The following FRMD4A variants were observed in gnomAD, a reference collection of about 807,000 sequenced individuals.
FRMD4A encodes the protein FERM domain containing 4A.
Under a neutral mutation model 129.1 loss-of-function variants are expected in FRMD4A, and 29 were observed. The ratio of observed to expected loss-of-function variants is 0.22; its 90% CI spans 0.17 to 0.31. FRMD4A has a LOEUF of 0.31. Ranked by LOEUF, FRMD4A falls within the 10% of genes least tolerant of loss-of-function variation. The pLI is 1.00. For synonymous variants in FRMD4A, 634 were observed against 571.6 expected (o/e 1.11, Z -1.56); for missense variants, 1,272 against 1,375.8 (o/e 0.92, Z 1.19).
At chr10:13,938,135 A>G (rs1245482840) in intron 2 of FRMD4A, among the ~76,000 whole-genome samples, 1 of 152,230 alleles carries the variant, frequency 6.6e-6, no homozygotes, top group East Asian at 1.9e-4. Context: ...CCTTCAAATA[A>G]TAGAATAGCA....
intron 2 of FRMD4A, among the ~76,000 whole-genome samples, chr10:14,281,497 T>C (rs1277827562): frequency 6.6e-6 from 1 of 152,204 alleles, no homozygotes; most frequent in Non-Finnish European, 1.5e-5. Flanking sequence ...TGTGAGAACA[T>C]GAATTCCTAT....
rs988394315 is a variant in FRMD4A, at chr10:14,103,461, C to G, written c.45+226597G>C. ...TGATCCACTGAGGTTGGTGGAGGAG[C>G]AAAATTATACCAGAGGCCTGGGTCT... is the stretch of plus-strand genomic sequence containing the variant. On this transcript the variant is annotated intron_variant, in intron 2 of 24. Transcript: ENST00000357447. Among the ~76,000 whole-genome samples the G allele has an allele frequency of 2.0e-5, 3 of 152,150 alleles. No homozygotes were observed. The East Asian group carries it at 5.8e-4, about 29-fold the overall frequency.
chr10:13,908,879 C>G (rs536005727), intron 2 of FRMD4A, among the ~76,000 whole-genome samples: 1 of 152,306 alleles, frequency 6.6e-6, no homozygotes, highest in East Asian at 1.9e-4. Flanking sequence ...GTGGGATATA[C>G]TTACCCTAAC....
chr10:13,732,414 T>C (rs980065923), intron 12 of FRMD4A, among the ~76,000 whole-genome samples: 1 of 152,172 alleles, frequency 6.6e-6, no homozygotes, highest in African/African-American at 2.4e-5. Context: ...TGCCGACGGG[T>C]TGCCAATGCT....
intron 16 of FRMD4A, 142 bp downstream of exon 16, chr10:13,674,769 C>T (rs992422454): frequency 2.1e-6 from 2 of 933,446 alleles, no homozygotes; most frequent in African/African-American, 1.6e-5. Context: ...GATAGGCCCT[C>T]TTTTTATCAC....
At chr10:13,654,848 A>G (rs1021644815) in intron 22 of FRMD4A, 21 of 357,180 alleles carry the variant, frequency 5.9e-5, no homozygotes, top group African/African-American at 4.0e-4. Context: ...TACAGCAGCA[A>G]AGAATCTGAT....
chr10:13,918,174 A>G lies in FRMD4A; in HGVS notation c.46-59262T>C, dbSNP rs188900749. Among the ~76,000 whole-genome samples the G allele has an allele frequency of 1.1e-3, 171 of 152,206 alleles. 1 individual carries two copies. Among genetic ancestry groups the G allele is most frequent in the Non-Finnish European group, 1.5e-3 (101 of 68,016 alleles). ...ATTTGTCCATTGTCTGTTTCCCTGT[A>G]TTAGAATGTGGGTTTCTTGCAGGCC... On this transcript the variant is annotated intron_variant, in intron 2 of 24. Transcript: ENST00000357447.
At chr10:13,689,198 C>CGGGGGGGGGGGGGGGGG (rs61670615) in intron 15 of FRMD4A, among the ~76,000 whole-genome samples, 2 of 68,060 alleles carry the variant, frequency 2.9e-5, no homozygotes, top group Admixed American at 2.0e-4. Context: ...AAACTCTTTG[C>CGGGGGGGGGGGGGGGGG]GGGGGGGGGG....
Position 13,670,409 on chromosome 10 carries a change from T to C in FRMD4A, c.1371A>G (p.Gly457=). The part of the protein sequence containing the change: ...KLDEQKILPK[G]EEAELERLER... ...ACAACAGAAAGGAAGGACGCACCTC[T>C]CCTTTGGGCAGGATTTTCTGTTCAT... The change falls in exon 17 of 25, where the codon GGA becomes GGG. Residue 457 remains glycine, a synonymous_variant. Transcript: ENST00000357447. The C allele has an allele frequency of 6.2e-7, 1 of 1,613,106 alleles. No individual in the cohort carries two copies. The highest frequency in any genetic ancestry group is 8.5e-7 in the Non-Finnish European group (1 of 1,179,360).
intron 2 of FRMD4A, among the ~76,000 whole-genome samples, chr10:13,879,083 T>C (rs900695684): frequency 6.6e-6 from 1 of 152,212 alleles, no homozygotes; most frequent in African/African-American, 2.4e-5. Flanking sequence ...CAACAGTATA[T>C]TTTAAATAAG....
At chr10:14,127,975 TTTCC>T (rs1367600638) in intron 2 of FRMD4A, among the ~76,000 whole-genome samples, 1,566 of 21,454 alleles carry the variant, frequency 0.073, 107 homozygotes, top group African/African-American at 0.1. Flanking sequence ...TCTTTCTTTC[TTTCC>T]TTCTCTCTCT....
intron 2 of FRMD4A, among the ~76,000 whole-genome samples, chr10:14,313,407 C>CA (rs1846627788): frequency 6.6e-6 from 1 of 151,960 alleles, no homozygotes; most frequent in South Asian, 2.1e-4. Flanking sequence ...AATTAATTTG[C>CA]AAAAAATGAT....
chr10:14,034,790 A>G (rs749983924), intron 2 of FRMD4A, among the ~76,000 whole-genome samples: 10 of 152,206 alleles, frequency 6.6e-5, no homozygotes, highest in Non-Finnish European at 1.2e-4. Context: ...GCATCTTCAC[A>G]CAGGCCGTCC....
intron 2 of FRMD4A, among the ~76,000 whole-genome samples, chr10:14,173,081 G>T (rs1207048666): frequency 1.3e-5 from 2 of 152,102 alleles, no homozygotes; most frequent in Non-Finnish European, 2.9e-5. Flanking sequence ...CATTACACAG[G>T]GCATCAAAGA....
intron 2 of FRMD4A, among the ~76,000 whole-genome samples, chr10:14,169,536 G>A (rs114278558): frequency 7.7e-4 from 117 of 152,186 alleles, no homozygotes; most frequent in African/African-American, 2.6e-3. Flanking sequence ...GCTTCCATCC[G>A]TAAGTTCCCC....
intron 24 of FRMD4A, chr10:13,651,019 G>C (rs2081533991): frequency 2.0e-5 from 3 of 152,262 alleles, no homozygotes; most frequent in African/African-American, 7.2e-5. Context: ...TAGGCAATTT[G>C]ATTTCAAGCC....
chr10:14,138,416 A>G (rs1352171064), intron 2 of FRMD4A, among the ~76,000 whole-genome samples: 1 of 152,206 alleles, frequency 6.6e-6, no homozygotes, highest in Non-Finnish European at 1.5e-5. Flanking sequence ...AAATAAATTC[A>G]ACCTGCTTTA....
Position 14,220,789 on chromosome 10 carries a change from T to C in FRMD4A, c.45+109269A>G, listed in dbSNP as rs976461574. Among the ~76,000 whole-genome samples, 8 of 105,492 alleles carry C rather than the reference T, an allele frequency of 7.6e-5. No individual in the cohort carries two copies. The East Asian group carries it at 1.2e-3, about 15-fold the overall frequency. The allele number at this position is 105,492 out of a possible 152,430, so 69.2% of individuals were successfully genotyped here. A position where few individuals can be genotyped will look rare whatever the true frequency, so the allele number is the denominator to read the frequency against. ...AGAGGAGTTGGCTGAGTTGCGTGTGTGTGTGTGTGTGTGTGTGTGTGTTTG... is the reference window on the plus strand; with the variant it reads ...AGAGGAGTTGGCTGAGTTGCGTGTGCGTGTGTGTGTGTGTGTGTGTGTTTG... On this transcript the variant is annotated intron_variant, in intron 2 of 24. Transcript: ENST00000357447.
Position 14,123,477 on chromosome 10 carries a change from G to C in FRMD4A, c.45+206581C>G, listed in dbSNP as rs979525397. ...AATACATGGGGCCAGAAAACTCCTAGCCTTCTTCCTGCATAGGAAAACTGG... is the reference window on the plus strand; with the variant it reads ...AATACATGGGGCCAGAAAACTCCTACCCTTCTTCCTGCATAGGAAAACTGG... On this transcript the variant is annotated intron_variant, in intron 2 of 24. Coordinates refer to ENST00000357447, the MANE Select transcript of FRMD4A (RefSeq NM_018027.5). Among the ~76,000 whole-genome samples, 4 of 152,194 alleles carry C rather than the reference G, an allele frequency of 2.6e-5. No homozygotes were observed. The East Asian group carries it at 7.7e-4, about 29-fold the overall frequency.
Sources: allele counts gnomAD v4.1 joint callset (sites outside exome capture counted in the v4.1 genomes callset), GRCh38; gene constraint gnomAD v4.1.1; transcripts MANE v1.5; gene names NCBI Gene and HGNC (gene_info 2026-07-23, HGNC 2026-07-21).